MTERF4: variants seen among roughly 807,000 people sequenced by gnomAD.
MTERF4 encodes the protein transcription termination factor 4, mitochondrial.
A neutral mutation model predicts 22.5 loss-of-function variants in MTERF4; 17 were observed. The observed-to-expected ratio is 0.75, with a 90% CI of 0.52 to 1.13. The LOEUF (loss-of-function observed/expected upper bound fraction) is 1.13, where lower values mean the gene tolerates loss of function less well. Among genes scored for constraint, MTERF4 ranks in the 50% most tolerant of loss-of-function variants. MTERF4 has a pLI of 0.00. For missense variants in MTERF4, 420 were observed against 466.8 expected (o/e 0.90, Z 0.92); for synonymous variants, 165 against 175.3 (o/e 0.94, Z 0.47).
At chr2:241,079,088 T>C (rs1331022903) in intron 4 of MTERF4, among the ~76,000 whole-genome samples, 101 of 116,376 alleles carry the variant, frequency 8.7e-4, no homozygotes, top group Non-Finnish European at 1.7e-4. Flanking sequence ...CACTCCAGCC[T>C]GGGTGACAGG....
At chr2:241,064,666 G>C in the MTERF4 span, among the ~76,000 whole-genome samples, 1 of 152,204 alleles carries the variant, frequency 6.6e-6, no homozygotes, top group African/African-American at 2.4e-5. The surrounding 1 kb of genome is among the most constrained non-coding windows in gnomAD (Gnocchi z 7.0). Flanking sequence ...GGAGCTGCTG[G>C]GTTGGGCCCC....
chr2:241,052,475 G>T, the MTERF4 span: 17 of 1,590,716 alleles, frequency 1.1e-5, no homozygotes, highest in East Asian at 3.2e-4. Flanking sequence ...GCAGGTGAGA[G>T]GGTCAGGGGG....
chr2:241,098,978 C>T (rs1575194438), intron 2 of MTERF4, among the ~76,000 whole-genome samples: 1 of 152,112 alleles, frequency 6.6e-6, no homozygotes, highest in Non-Finnish European at 1.5e-5. Context: ...CCAAATTATA[C>T]AGTCCTCTCC....
chr2:241,053,430 G>A, the MTERF4 span: 1 of 1,197,492 alleles, frequency 8.4e-7, no homozygotes, highest in African/African-American at 1.5e-5. Context: ...TGGATGCCCA[G>A]CTCTGACCTG....
chr2:241,099,171 T>G, intron 2 of MTERF4: 1 of 482,052 alleles, frequency 2.1e-6, no homozygotes. Flanking sequence ...GCCTCCTGGG[T>G]TCAAGCGATT....
chr2:241,045,021 G>A, the MTERF4 span, among the ~76,000 whole-genome samples: 1 of 152,182 alleles, frequency 6.6e-6, no homozygotes, highest in African/African-American at 2.4e-5. Flanking sequence ...AGGAATCTGT[G>A]TAATCTGATC....
the MTERF4 span, among the ~76,000 whole-genome samples, chr2:241,058,072 T>C: frequency 1.3e-5 from 2 of 151,876 alleles, no homozygotes; most frequent in Non-Finnish European, 2.9e-5. Context: ...TCCTAAAACA[T>C]AAGACTATAC....
At chr2:241,078,298 G>A (rs747184764) in intron 4 of MTERF4, among the ~76,000 whole-genome samples, 3 of 150,734 alleles carry the variant, frequency 2.0e-5, no homozygotes, top group Non-Finnish European at 4.4e-5. Context: ...CAGGAGAATC[G>A]CTTGAACCCG....
rs773273570 is a variant in MTERF4 at position 241,096,294 on chromosome 2, G to T, written c.850C>A (p.Gln284Lys). ...TCCTTGAGCAATGGGTTAGGGATCT[G>T]TGTCTGCCCCTTCTTATCAGGGGTT... ...YQTPDKKGQTQIPNPLLKDIL... is the reference protein window; with the variant it reads ...YQTPDKKGQTKIPNPLLKDIL... Residue 284 changes from glutamine to lysine, a missense_variant, in exon 4 of 4, where the codon CAG (glutamine) becomes AAG (lysine). Transcript: ENST00000391980. The surrounding 1 kb of genome is among the most constrained non-coding windows in gnomAD (Gnocchi z 5.1). 1.2e-6 allele frequency: 2 copies of T among 1,614,206 alleles called. No homozygotes were observed. Among genetic ancestry groups the T allele is most frequent in the Non-Finnish European group, 1.7e-6 (2 of 1,180,048 alleles).
At chr2:241,090,675 T>A (rs1464586517), downstream of MTERF4, among the ~76,000 whole-genome samples, 1 of 152,148 alleles carries the variant, frequency 6.6e-6, no homozygotes, top group Non-Finnish European at 1.5e-5. Flanking sequence ...GAGACCAGCC[T>A]GGCCAACATG....
chr2:241,098,904 T>A (rs757435039), intron 2 of MTERF4, among the ~76,000 whole-genome samples: 17 of 152,008 alleles, frequency 1.1e-4, no homozygotes, highest in African/African-American at 1.7e-4. Context: ...TAGTCTTAAC[T>A]CCTCCTCCTT....
chr2:241,095,511 G>T (rs2064354957), downstream of MTERF4: 1 of 160,716 alleles, frequency 6.2e-6, no homozygotes, highest in Non-Finnish European at 1.4e-5. Context: ...AAGCATTTTT[G>T]TGGAAAATCT....
chr2:241,043,086 G>A, the MTERF4 span, among the ~76,000 whole-genome samples: 8 of 152,232 alleles, frequency 5.3e-5, no homozygotes, highest in Admixed American at 6.5e-5. Flanking sequence ...GAAGGAGGAT[G>A]GAGATGGGTG....
the MTERF4 span, chr2:241,063,012 A>G: frequency 4.4e-6 from 3 of 676,052 alleles, no homozygotes; most frequent in African/African-American, 1.8e-5. Context: ...CAGGGTGGCC[A>G]CTGCATGCTT....
At chr2:241,089,267 TATA>T, downstream of MTERF4, 1 of 1,543,506 alleles carries the variant, frequency 6.5e-7, no homozygotes, top group Non-Finnish European at 8.7e-7. Context: ...TCCTGCCCCT[TATA>T]GGAGCCCTCA....
chr2:241,087,037 G>A (rs2063616333), downstream of MTERF4: 1 of 194,394 alleles, frequency 5.1e-6, no homozygotes, highest in South Asian at 1.7e-4. Context: ...AAACAGAAAA[G>A]CGAGGCCATA....
intron 4 of MTERF4, among the ~76,000 whole-genome samples, chr2:241,082,022 C>T (rs979969980): frequency 1.3e-5 from 2 of 152,214 alleles, no homozygotes; most frequent in Admixed American, 6.5e-5. Flanking sequence ...CCACAGCATG[C>T]GAGGCACAGC....
chr2:241,063,375 G>C, the MTERF4 span: 3 of 593,714 alleles, frequency 5.1e-6, no homozygotes, highest in Non-Finnish European at 6.1e-6. Context: ...GCATGGCCTG[G>C]AGGTGGGGCT....
At chr2:241,051,327 C>T in the MTERF4 span, 1 of 172,320 alleles carries the variant, frequency 5.8e-6, no homozygotes, top group African/African-American at 2.4e-5. The surrounding 1 kb of genome is among the most constrained non-coding windows in gnomAD (Gnocchi z 4.7). Context: ...AGGTACAGAA[C>T]ACACAGAAAT....
Sources: allele counts gnomAD v4.1 joint callset (sites outside exome capture counted in the v4.1 genomes callset), GRCh38; gene constraint gnomAD v4.1.1; non-coding constraint Gnocchi (gnomAD v3.1); transcripts MANE v1.5; gene names NCBI Gene and HGNC (gene_info 2026-07-23, HGNC 2026-07-21).